CYTH3: variants seen among roughly 807,000 people sequenced by gnomAD.
The protein encoded by CYTH3 is cytohesin-3.
In CYTH3, 23 loss-of-function variants were observed where a neutral mutation model predicts 55.1. The ratio of observed to expected loss-of-function variants is 0.42; its 90% CI spans 0.30 to 0.59. The LOEUF is 0.59. Ranked by LOEUF, CYTH3 falls within the 20% of genes least tolerant of loss-of-function variation. CYTH3 has a pLI of 0.20. For synonymous variants in CYTH3, 249 were observed against 194.9 expected, an observed-to-expected ratio of 1.28 and a Z score of -2.31; for missense variants, 413 against 524.8, an observed-to-expected ratio of 0.79 and a Z score of 2.08.
chr7:6,221,413 G>C (rs1479395527), intron 1 of CYTH3, among the ~76,000 whole-genome samples: 3 of 152,190 alleles, frequency 2.0e-5, no homozygotes, highest in Non-Finnish European at 4.4e-5. Context: ...TTGGGGTTTA[G>C]GGTGGTTGAG....
chr7:6,266,530 G>C (rs1472704320), intron 1 of CYTH3, among the ~76,000 whole-genome samples: 1 of 152,154 alleles, frequency 6.6e-6, no homozygotes, highest in Non-Finnish European at 1.5e-5. Flanking sequence ...GCTACTGAAA[G>C]CCTGACATGG....
In CYTH3 at chr7:6,164,854, G is replaced by A; in HGVS notation, c.*90C>T. 6 of 1,418,800 alleles carry A rather than the reference G, an allele frequency of 4.2e-6. No individual in the cohort carries two copies. The highest frequency in any genetic ancestry group is 6.0e-6 in the Non-Finnish European group (6 of 1,006,238). 87.9% of individuals were successfully genotyped at this position (1,418,800 alleles called of 1,614,324 possible). ...CAGCAGCTTGCACCGCAGGGCGACTGCCTCCCTGCCACGCCTTCCGCGGAG... is the reference window on the plus strand; with the variant it reads ...CAGCAGCTTGCACCGCAGGGCGACTACCTCCCTGCCACGCCTTCCGCGGAG... On this transcript the variant is annotated 3_prime_UTR_variant, in exon 13 of 13. Transcript: ENST00000350796.
intron 1 of CYTH3, among the ~76,000 whole-genome samples, chr7:6,216,851 A>G (rs1706125649): frequency 1.3e-5 from 2 of 149,752 alleles, no homozygotes; most frequent in African/African-American, 5.0e-5. Context: ...GAAAACAAAA[A>G]GCTGAACAGG....
intron 1 of CYTH3, among the ~76,000 whole-genome samples, chr7:6,272,019 T>G (rs1408652470): frequency 6.6e-6 from 1 of 152,154 alleles, no homozygotes; most frequent in Non-Finnish European, 1.5e-5. Context: ...GAGCCTCCAG[T>G]GCAAAACTTT....
intron 1 of CYTH3, among the ~76,000 whole-genome samples, chr7:6,203,407 T>C (rs1562385733): frequency 1.3e-5 from 2 of 152,166 alleles, no homozygotes; most frequent in Admixed American, 6.5e-5. Context: ...TAACGTTTCA[T>C]GCAAAAAAAC....
Position 6,171,373 on chromosome 7 carries a change from AG to A in CYTH3, c.450-60del. 6.4e-7 allele frequency: 1 copy of A among 1,550,742 alleles called. No individual in the cohort carries two copies. The highest frequency in any genetic ancestry group is 1.1e-5 in the South Asian group (1 of 89,338). On this transcript the variant is annotated intron_variant, in intron 6 of 12. Coordinates refer to ENST00000350796, the MANE Select transcript of CYTH3 (RefSeq NM_004227.4). The surrounding 1 kb of genome is among the most constrained non-coding windows in gnomAD (Gnocchi z 6.7). Reference sequence around the variant, plus strand: ...CAGAACCAACACCGCCTCACGGCCAAGGGCGGCTTCTGCCCAGCTCAGGAAG... The same window carrying A: ...CAGAACCAACACCGCCTCACGGCCAAGGCGGCTTCTGCCCAGCTCAGGAAG...
intron 1 of CYTH3, among the ~76,000 whole-genome samples, chr7:6,249,990 C>A (rs779067945): frequency 6.6e-6 from 1 of 152,192 alleles, no homozygotes; most frequent in African/African-American, 2.4e-5. Flanking sequence ...CAAGACTGTA[C>A]GCTTTGACCA....
intron 1 of CYTH3, among the ~76,000 whole-genome samples, chr7:6,257,469 T>C (rs1369512618): frequency 1.3e-5 from 2 of 152,340 alleles, no homozygotes; most frequent in African/African-American, 4.8e-5. Flanking sequence ...ATGCCACCTT[T>C]GATTACTGCA....
At chr7:6,193,514 C>A (rs1471270132) in intron 1 of CYTH3, among the ~76,000 whole-genome samples, 1 of 152,182 alleles carries the variant, frequency 6.6e-6, no homozygotes. Context: ...TGAAGCCAAA[C>A]TGGACTAGCC....
chr7:6,195,123 G>A (rs536030255), intron 1 of CYTH3, among the ~76,000 whole-genome samples: 5 of 152,184 alleles, frequency 3.3e-5, no homozygotes, highest in African/African-American at 1.2e-4. Flanking sequence ...CTTTTGGATG[G>A]CAATGGTTAT....
At chr7:6,190,869 G>T (rs1174968013) in intron 1 of CYTH3, among the ~76,000 whole-genome samples, 1 of 151,886 alleles carries the variant, frequency 6.6e-6, no homozygotes, top group East Asian at 1.9e-4. Flanking sequence ...TTGAGGTCAG[G>T]AGTTTGAGAC....
At chr7:6,177,036 C>A (rs552174986) in intron 5 of CYTH3, among the ~76,000 whole-genome samples, 2 of 152,346 alleles carry the variant, frequency 1.3e-5, no homozygotes, top group South Asian at 4.1e-4. Flanking sequence ...GTTGAACTAA[C>A]CTTGCATGCA....
At chr7:6,263,471 G>T (rs1323831009) in intron 1 of CYTH3, among the ~76,000 whole-genome samples, 2 of 152,164 alleles carry the variant, frequency 1.3e-5, no homozygotes, top group South Asian at 2.1e-4. Flanking sequence ...AGTACCGTTT[G>T]TAACACCACC....
chr7:6,265,145 G>A (rs1298692860), intron 1 of CYTH3, among the ~76,000 whole-genome samples: 4 of 151,998 alleles, frequency 2.6e-5, no homozygotes, highest in African/African-American at 9.7e-5. Context: ...AACGGGAGAG[G>A]AGCAACAGAC....
intron 1 of CYTH3, among the ~76,000 whole-genome samples, chr7:6,201,247 C>G (rs568592042): frequency 4.6e-5 from 7 of 152,322 alleles, no homozygotes; most frequent in African/African-American, 1.7e-4. Flanking sequence ...ACAGGGCAGT[C>G]ACGTGTTAGC....
intron 1 of CYTH3, among the ~76,000 whole-genome samples, chr7:6,238,509 G>C (rs186404310): frequency 6.6e-6 from 1 of 152,294 alleles, no homozygotes; most frequent in East Asian, 1.9e-4. Flanking sequence ...TACAGATAAT[G>C]TCAATAACCT....
chr7:6,226,021 T>C (rs1262477098), intron 1 of CYTH3, among the ~76,000 whole-genome samples: 2 of 152,158 alleles, frequency 1.3e-5, no homozygotes, highest in East Asian at 1.9e-4. Flanking sequence ...AAAATTTTTG[T>C]CTTTAAACAA....
chr7:6,182,140 T>C (rs1479177432), intron 4 of CYTH3, among the ~76,000 whole-genome samples: 2 of 152,128 alleles, frequency 1.3e-5, no homozygotes, highest in Non-Finnish European at 2.9e-5. Flanking sequence ...CTCCACCTCC[T>C]GGGTTCAAGT....
In CYTH3 at chr7:6,177,882, C is replaced by T. The variant is rs761315277; in HGVS notation, c.309G>A (p.Gln103=). ...LLQSSPEDVA[Q]FLYKGEGLNK... is the part of the protein sequence containing the mutation. ...TTAGGCCTTCTCCTTTATAAAGGAA[C>T]TGGGCGACGTCTTCTGGGGAACTCT... Residue 103 remains glutamine (Q), a synonymous_variant, in exon 5 of 13, where the codon CAG becomes CAA. Coordinates refer to ENST00000350796, the MANE Select transcript of CYTH3 (RefSeq NM_004227.4). 6 of 1,614,168 alleles carry T rather than the reference C, an allele frequency of 3.7e-6. No individual in the cohort carries two copies. The highest frequency in any genetic ancestry group is 8.5e-7 in the Non-Finnish European group (1 of 1,179,996).
Sources: allele counts gnomAD v4.1 joint callset (sites outside exome capture counted in the v4.1 genomes callset), GRCh38; gene constraint gnomAD v4.1.1; non-coding constraint Gnocchi (gnomAD v3.1); transcripts MANE v1.5; gene names NCBI Gene and HGNC (gene_info 2026-07-23, HGNC 2026-07-21).